Variants in PMEPA1 observed in about 807,000 individuals in gnomAD.
PMEPA1 encodes prostate transmembrane protein, androgen induced 1.
In PMEPA1, 11 loss-of-function variants were observed where a neutral mutation model predicts 23.0. That is an observed-to-expected ratio of 0.48 (90% CI 0.30 to 0.79). The LOEUF (loss-of-function observed/expected upper bound fraction) is 0.79. Among genes scored for constraint, PMEPA1 ranks in the 30% least tolerant of loss-of-function variants. The pLI, the probability that PMEPA1 is intolerant of heterozygous loss-of-function variation, is 0.06. For synonymous variants in PMEPA1, 204 were observed against 166.4 expected (o/e 1.23, Z -1.74); for missense variants, 377 against 390.9 (o/e 0.96, Z 0.30).
intron 1 of PMEPA1, among the ~76,000 whole-genome samples, chr20:57,692,831 A>C (rs1480127438): frequency 6.6e-6 from 1 of 152,236 alleles, no homozygotes; most frequent in Non-Finnish European, 1.5e-5. Context: ...GACAGCACTC[A>C]GCAATGTCTC....
chr20:57,678,238 G>T (rs1214801914), intron 1 of PMEPA1, among the ~76,000 whole-genome samples: 1 of 152,248 alleles, frequency 6.6e-6, no homozygotes, highest in East Asian at 1.9e-4. Flanking sequence ...AATGTCAACT[G>T]CTGGCTTTGG....
At chr20:57,679,843 T>C (rs2071688284) in intron 1 of PMEPA1, among the ~76,000 whole-genome samples, 1 of 151,268 alleles carries the variant, frequency 6.6e-6, no homozygotes, top group Non-Finnish European at 1.5e-5. Context: ...GGGAGGAGAG[T>C]GGCTTAGAAG....
At chr20:57,701,988 G>C (rs2146712220) in intron 1 of PMEPA1, among the ~76,000 whole-genome samples, 1 of 152,314 alleles carries the variant, frequency 6.6e-6, no homozygotes, top group East Asian at 1.9e-4. Flanking sequence ...AGGAAGGCCA[G>C]GGTGCTCCTG....
chr20:57,710,133 G>A (rs2072153464), upstream of PMEPA1: 3 of 739,492 alleles, frequency 4.1e-6, no homozygotes, highest in Non-Finnish European at 5.2e-6. Flanking sequence ...GGGGCGGGGT[G>A]ACGGGAAACG....
Position 57,651,769 on chromosome 20 carries a change from CAAGA to C in PMEPA1, c.*280_*283del, listed in dbSNP as rs2071232172. ...TTCACGCACGCAGCTCAACTAGAAA[CAAGA>C]AAGACTACTGTAGAAATTTTTTTTC... On this transcript the variant is annotated 3_prime_UTR_variant, in exon 4 of 4. Transcript: ENST00000341744. The C allele has an allele frequency of 1.1e-5, 3 of 278,600 alleles. No homozygotes were observed. Among genetic ancestry groups the C allele is most frequent in the African/African-American group, 4.4e-5 (2 of 45,734 alleles). The allele number at this position is 278,600 out of a possible 1,614,324, so 17.3% of individuals were successfully genotyped here. A position where few individuals can be genotyped will look rare whatever the true frequency, so the allele number is the denominator to read the frequency against.
At chr20:57,702,201 G>C (rs2146712549) in intron 1 of PMEPA1, among the ~76,000 whole-genome samples, 1 of 152,344 alleles carries the variant, frequency 6.6e-6, no homozygotes, top group East Asian at 1.9e-4. Flanking sequence ...CCGGAGGTCA[G>C]AGGTGTGTGG....
At chr20:57,690,291 G>A (rs1007100364) in intron 1 of PMEPA1, 5 of 574,240 alleles carry the variant, frequency 8.7e-6, no homozygotes, top group African/African-American at 7.7e-5. Context: ...CACCCGGGGG[G>A]GCCGGGCCCA....
intron 1 of PMEPA1, among the ~76,000 whole-genome samples, chr20:57,666,047 A>AT (rs890682489): frequency 2.7e-5 from 4 of 149,638 alleles, no homozygotes; most frequent in Admixed American, 1.3e-4. Flanking sequence ...TTTCTTCGTA[A>AT]TTTTTCCCTT....
intron 1 of PMEPA1, among the ~76,000 whole-genome samples, chr20:57,697,167 G>T (rs1441689033): frequency 6.6e-6 from 1 of 152,188 alleles, no homozygotes. Context: ...CATGCACCAG[G>T]ATTTCTGCAG....
chr20:57,674,304 T>C (rs2071607631), intron 1 of PMEPA1, among the ~76,000 whole-genome samples: 1 of 152,142 alleles, frequency 6.6e-6, no homozygotes, highest in African/African-American at 2.4e-5. Context: ...AACGGCCATG[T>C]GAGGACGCAG....
intron 1 of PMEPA1, among the ~76,000 whole-genome samples, chr20:57,672,941 C>T (rs1470391200): frequency 6.6e-6 from 1 of 152,220 alleles, no homozygotes; most frequent in African/African-American, 2.4e-5. Flanking sequence ...CTAGCACCCA[C>T]GCACGGGTTG....
At chr20:57,707,448 TG>T (rs1347212048) in intron 1 of PMEPA1, among the ~76,000 whole-genome samples, 1 of 152,198 alleles carries the variant, frequency 6.6e-6, no homozygotes, top group Non-Finnish European at 1.5e-5. Flanking sequence ...CAGGACTAAC[TG>T]GGGCACCCAG....
intron 1 of PMEPA1, among the ~76,000 whole-genome samples, chr20:57,661,632 G>A (rs1210220931): frequency 6.6e-6 from 1 of 152,298 alleles, no homozygotes; most frequent in East Asian, 1.9e-4. Context: ...GCAGGTGTCA[G>A]GTGGCAACTG....
chr20:57,673,054 C>T (rs157085), intron 1 of PMEPA1, among the ~76,000 whole-genome samples: 44,525 of 152,122 alleles, frequency 0.29, 7,057 homozygotes, highest in African/African-American at 0.43. Context: ...GAGGGCTGCT[C>T]CCTGGGCCCA....
intron 1 of PMEPA1, among the ~76,000 whole-genome samples, chr20:57,697,070 A>T (rs1290193239): frequency 1.3e-5 from 2 of 152,162 alleles, no homozygotes; most frequent in African/African-American, 4.8e-5. Flanking sequence ...ACAGATGGGG[A>T]ACGTCCTTAG....
intron 1 of PMEPA1, chr20:57,700,207 T>C (rs1472107910): frequency 2.1e-6 from 1 of 465,152 alleles, no homozygotes; most frequent in East Asian, 7.0e-5. Flanking sequence ...CAATAGAGGC[T>C]GACAGCTGCC....
chr20:57,702,608 C>G (rs966155091), intron 1 of PMEPA1, among the ~76,000 whole-genome samples: 2 of 152,060 alleles, frequency 1.3e-5, no homozygotes, highest in Admixed American at 6.5e-5. Context: ...CTCAGGAGGT[C>G]GGTGTAGTGG....
Position 57,709,597 on chromosome 20 carries a change from C to A in PMEPA1, c.-15G>T. 1 of 973,252 alleles carries A rather than the reference C, an allele frequency of 1.0e-6. No homozygotes were observed. 60.3% of individuals were successfully genotyped at this position (973,252 alleles called of 1,614,324 possible). A position where few individuals can be genotyped will look rare whatever the true frequency, so the allele number is the denominator to read the frequency against. On this transcript the variant is annotated 5_prime_UTR_variant, in exon 1 of 4. Transcript: ENST00000341744. ...AAGCGGTGCATGGACGGCGCGGCGG[C>A]GCGGCGCGGGGCGCGGGGGGCTCGG... is the stretch of plus-strand genomic sequence containing the variant.
At chr20:57,701,781 T>G (rs2072014853) in intron 1 of PMEPA1, among the ~76,000 whole-genome samples, 1 of 152,156 alleles carries the variant, frequency 6.6e-6, no homozygotes, top group Non-Finnish European at 1.5e-5. Flanking sequence ...AAAGCCTGTA[T>G]CTTGACCACA....
Sources: gnomAD v4.1 joint callset for allele counts (sites outside exome capture counted in the v4.1 genomes callset) on GRCh38, gnomAD v4.1.1 for gene constraint, MANE v1.5 for transcripts, NCBI Gene and HGNC (gene_info 2026-07-23, HGNC 2026-07-21) for gene names.